ESR1: variants seen among roughly 807,000 people sequenced by gnomAD.
ESR1 encodes the protein estrogen receptor.
ESR1 carries 12 observed loss-of-function variants against 52.7 expected under a neutral mutation model. The ratio of observed to expected loss-of-function variants is 0.23; its 90% CI spans 0.15 to 0.37. The LOEUF is 0.37. Ranked by LOEUF, ESR1 falls within the 10% of genes least tolerant of loss-of-function variation. ESR1 has a pLI of 1.00. For synonymous variants in ESR1, 305 were observed against 316.8 expected (o/e 0.96, Z 0.39); for missense variants, 584 against 779.7 (o/e 0.75, Z 2.99).
intron 5 of ESR1, among the ~76,000 whole-genome samples, chr6:152,045,505 C>A (rs536495965): frequency 6.6e-6 from 1 of 152,224 alleles, no homozygotes; most frequent in Admixed American, 6.5e-5. Flanking sequence ...CGAGGCTCTG[C>A]GGCCAGACTG....
chr6:151,806,532 A>ATG (rs1470959513), upstream of ESR1, among the ~76,000 whole-genome samples: 51 of 102,310 alleles, frequency 5.0e-4, 1 homozygote, highest in African/African-American at 1.8e-3. Context: ...CTTAATATGT[A>ATG]TATATATATA....
intron 3 of ESR1, among the ~76,000 whole-genome samples, chr6:151,898,405 C>CTT (rs1175001141): frequency 1.0e-5 from 1 of 98,908 alleles, no homozygotes; most frequent in Non-Finnish European, 2.2e-5. Context: ...TTTTTCTTTT[C>CTT]TTTTTTTTTT....
intron 2 of ESR1, among the ~76,000 whole-genome samples, chr6:151,759,383 G>A (rs1784504974): frequency 6.6e-6 from 1 of 151,216 alleles, no homozygotes; most frequent in East Asian, 1.9e-4. Context: ...TTATAAATTA[G>A]AGGCTCTTCA....
intron 4 of ESR1, among the ~76,000 whole-genome samples, chr6:152,003,408 T>G (rs1279168519): frequency 1.3e-5 from 2 of 151,818 alleles, no homozygotes; most frequent in African/African-American, 4.8e-5. Flanking sequence ...TTTATTTATC[T>G]GTCTACTTTG....
chr6:152,034,099 C>T lies in ESR1; in HGVS notation c.1235+22305C>T, dbSNP rs147838474. Among the ~76,000 whole-genome samples, 364 of 139,350 alleles carry T rather than the reference C, an allele frequency of 2.6e-3. 2 individuals carry two copies. Among genetic ancestry groups the T allele is most frequent in the African/African-American group, 9.5e-3 (351 of 37,070 alleles). 91.4% of individuals were successfully genotyped at this position (139,350 alleles called of 152,430 possible). On this transcript the variant is annotated intron_variant, in intron 5 of 7. Transcript: ENST00000206249. ...AGGTGGGAGTTGAACAATGAGAACA[C>T]GTGGACACAGGAAGGGGAACATCAC...
At chr6:152,026,976 T>G (rs2044197307) in intron 5 of ESR1, among the ~76,000 whole-genome samples, 1 of 152,112 alleles carries the variant, frequency 6.6e-6, no homozygotes, top group Non-Finnish European at 1.5e-5. Flanking sequence ...TTCTCTTTTT[T>G]TTTTTTTGAG....
intron 2 of ESR1, among the ~76,000 whole-genome samples, chr6:151,856,485 G>T (rs993530460): frequency 3.3e-5 from 5 of 152,288 alleles, no homozygotes; most frequent in Middle Eastern, 3.4e-3. Context: ...ACAATTAGTA[G>T]ATGATACACT....
chr6:152,124,083 G>A (rs2052454753), intron 6 of ESR1, among the ~76,000 whole-genome samples: 1 of 152,198 alleles, frequency 6.6e-6, no homozygotes, highest in Non-Finnish European at 1.5e-5. Flanking sequence ...CAGCGCTTTG[G>A]GAGGCTGAGG....
In ESR1 at chr6:151,669,147, G is replaced by GGGGAGAGAGAGA. The variant is rs1554231683; in HGVS notation, n.73+12385_73+12386insGGAGAGAGAGAG. Among the ~76,000 whole-genome samples, 192 of 69,306 alleles carry GGGGAGAGAGAGA rather than the reference G, an allele frequency of 2.8e-3. 5 individuals are homozygous for GGGGAGAGAGAGA. Among genetic ancestry groups the GGGGAGAGAGAGA allele is most frequent in the African/African-American group, 0.015 (184 of 11,978 alleles). The allele number at this position is 69,306 out of a possible 152,430, so 45.5% of individuals were successfully genotyped here. A position where few individuals can be genotyped will look rare whatever the true frequency, so the allele number is the denominator to read the frequency against. ...GTGGTAGGAAGCTCTTTGGGAGCTGGGAGAGAGAGAGAGAGAGAGAGAGAG... is the reference window on the plus strand; with the variant it reads ...GTGGTAGGAAGCTCTTTGGGAGCTGGGGGAGAGAGAGAGAGAGAGAGAGAGAGAGAGAGAGAG... On this transcript the variant is annotated intron_variant and non_coding_transcript_variant, in intron 1 of 2. Transcript: ENST00000473497.
intron 2 of ESR1, among the ~76,000 whole-genome samples, chr6:151,844,690 C>G (rs1189080828): frequency 6.6e-6 from 1 of 152,092 alleles, no homozygotes; most frequent in Non-Finnish European, 1.5e-5. Context: ...GTTTATTTAT[C>G]TGATCTAAAT....
intron 3 of ESR1, among the ~76,000 whole-genome samples, chr6:151,904,478 A>G (rs1015566512): frequency 6.6e-6 from 1 of 151,866 alleles, no homozygotes; most frequent in African/African-American, 2.4e-5. Flanking sequence ...TTCGTGGGGG[A>G]TTCAAAAATA....
intron 3 of ESR1, among the ~76,000 whole-genome samples, chr6:151,893,185 T>C (rs943385959): frequency 6.6e-6 from 1 of 151,792 alleles, no homozygotes; most frequent in Admixed American, 6.6e-5. Context: ...AGCAAGACTC[T>C]GTCTCAAAAA....
At chr6:151,743,964 G>A (rs982851863) in intron 2 of ESR1, among the ~76,000 whole-genome samples, 2 of 152,064 alleles carry the variant, frequency 1.3e-5, no homozygotes, top group Non-Finnish European at 2.9e-5. Flanking sequence ...TCTCTGTGGA[G>A]TACTATTCTG....
At position 151,677,330 on chromosome 6, in the gene ESR1, C is replaced by G. The variant is rs114585794; in HGVS notation, n.73+20567C>G. Among the ~76,000 whole-genome samples, 1,006 of 152,316 alleles carry G rather than the reference C, an allele frequency of 6.6e-3. 14 individuals carry two copies. The highest frequency in any genetic ancestry group is 0.023 in the African/African-American group (976 of 41,556). On this transcript the variant is annotated intron_variant and non_coding_transcript_variant, in intron 1 of 2. Transcript: ENST00000473497. ...AATTTACCTCTTCCTGCCTTTATTTCCCTTTCTGTAAAATGGGAATTAATG... is the reference window on the plus strand; with the variant it reads ...AATTTACCTCTTCCTGCCTTTATTTGCCTTTCTGTAAAATGGGAATTAATG...
chr6:151,963,793 G>A (rs2982685), intron 4 of ESR1, among the ~76,000 whole-genome samples: 77,977 of 152,100 alleles, frequency 0.51, 23,128 homozygotes, highest in Middle Eastern at 0.7. Flanking sequence ...TTTTCTTCTG[G>A]TATTTATATA....
chr6:152,021,122 T>C (rs909779687), intron 5 of ESR1, among the ~76,000 whole-genome samples: 7 of 152,132 alleles, frequency 4.6e-5, no homozygotes. Context: ...AGGAGATTAA[T>C]ATTTGAGTCA....
At chr6:151,884,170 G>A (rs145877190) in intron 3 of ESR1, among the ~76,000 whole-genome samples, 2,918 of 152,230 alleles carry the variant, frequency 0.019, 52 homozygotes, top group South Asian at 0.085. Flanking sequence ...ATTATAGCCC[G>A]TGAGAACATC....
At chr6:152,052,998 C>T (rs1191801570) in intron 5 of ESR1, among the ~76,000 whole-genome samples, 2 of 152,064 alleles carry the variant, frequency 1.3e-5, no homozygotes, top group Non-Finnish European at 2.9e-5. Context: ...CCTGGAGGCT[C>T]CAGGCTCAGG....
At chr6:152,060,688 C>G (rs2047476621) in intron 5 of ESR1, among the ~76,000 whole-genome samples, 1 of 152,202 alleles carries the variant, frequency 6.6e-6, no homozygotes, top group African/African-American at 2.4e-5. Flanking sequence ...AGATCTTGAT[C>G]ATTTTCAATT....
Sources: allele counts gnomAD v4.1 joint callset (sites outside exome capture counted in the v4.1 genomes callset), GRCh38; gene constraint gnomAD v4.1.1; transcripts MANE v1.5; gene names NCBI Gene and HGNC (gene_info 2026-07-23, HGNC 2026-07-21).